ADISSP: variants seen among roughly 807,000 people sequenced by gnomAD.
ADISSP encodes adipose-secreted signaling protein.
the ADISSP span, among the ~76,000 whole-genome samples, chr20:3,766,742 T>A: frequency 6.6e-6 from 1 of 152,122 alleles, no homozygotes; most frequent in Non-Finnish European, 1.5e-5. Context: ...ATGGATAGAA[T>A]GTGGGGGGAT....
chr20:3,767,711 G>C, the ADISSP span: 1 of 154,334 alleles, frequency 6.5e-6, no homozygotes, highest in Admixed American at 6.5e-5. Flanking sequence ...GACCACTGCA[G>C]CGGCGGCGGC....
the ADISSP span, chr20:3,754,231 T>C: frequency 1.4e-6 from 2 of 1,477,904 alleles, no homozygotes; most frequent in South Asian, 1.1e-5. Flanking sequence ...AGGGGACCCC[T>C]CCCCTTCCCT....
chr20:3,755,361 C>A, the ADISSP span: 1 of 1,036,406 alleles, frequency 9.6e-7, no homozygotes, highest in South Asian at 1.4e-5. Flanking sequence ...AAAGAGGTGC[C>A]ACATCCCCGA....
the ADISSP span, chr20:3,758,666 C>T: frequency 4.3e-6 from 7 of 1,613,968 alleles, no homozygotes; most frequent in Non-Finnish European, 5.9e-6. This position sits in a 1 kb window ranked among gnomAD's most constrained non-coding sequence, Gnocchi z 5.5. Context: ...ACTCCGGACT[C>T]TGGGCTTGTT....
the ADISSP span, among the ~76,000 whole-genome samples, chr20:3,763,553 G>T: frequency 1.4e-4 from 13 of 91,822 alleles, no homozygotes; most frequent in Non-Finnish European, 2.4e-4. Context: ...GCAAAACTCC[G>T]TCTCAAAAAA....
At chr20:3,758,688 G>A in the ADISSP span, 36 of 1,609,212 alleles carry the variant, frequency 2.2e-5, no homozygotes, top group Non-Finnish European at 3.0e-5. This position sits in a 1 kb window ranked among gnomAD's most constrained non-coding sequence, Gnocchi z 5.5. Context: ...CCTAGGAAGA[G>A]TGGGAGAGGG....
At chr20:3,767,094 TC>T in the ADISSP span, 1 of 152,226 alleles carries the variant, frequency 6.6e-6, no homozygotes, top group African/African-American at 2.4e-5. Flanking sequence ...TCTTGTCATC[TC>T]AGGGGGAGGG....
the ADISSP span, among the ~76,000 whole-genome samples, chr20:3,760,545 G>A: frequency 6.6e-6 from 1 of 151,888 alleles, no homozygotes; most frequent in East Asian, 2.0e-4. Flanking sequence ...CCAGGGACCA[G>A]TTCTGGTGCT....
the ADISSP span, chr20:3,758,631 C>T: frequency 1.9e-6 from 3 of 1,614,082 alleles, no homozygotes; most frequent in Non-Finnish European, 2.5e-6. This position sits in a 1 kb window ranked among gnomAD's most constrained non-coding sequence, Gnocchi z 5.5. Context: ...GATCCTTCTG[C>T]ATCGTGGCCT....
At chr20:3,762,274 G>GAAA in the ADISSP span, among the ~76,000 whole-genome samples, 1 of 132,360 alleles carries the variant, frequency 7.6e-6, no homozygotes. Flanking sequence ...TCTGTCTCAA[G>GAAA]AAAAAAAAAA....
At chr20:3,755,357 G>A in the ADISSP span, 2 of 973,150 alleles carry the variant, frequency 2.1e-6, no homozygotes, top group African/African-American at 1.6e-5. Flanking sequence ...TCACAAAGAG[G>A]TGCCACATCC....
the ADISSP span, chr20:3,754,340 A>C: frequency 1.3e-6 from 2 of 1,591,468 alleles, no homozygotes; most frequent in Non-Finnish European, 1.7e-6. Flanking sequence ...GGAGGACAGA[A>C]ACCCTCGCAG....
the ADISSP span, among the ~76,000 whole-genome samples, chr20:3,756,443 G>GAGCC: frequency 4.2e-5 from 1 of 23,598 alleles, no homozygotes; most frequent in African/African-American, 1.3e-4. Flanking sequence ...TGGTGGGGGT[G>GAGCC]CCACGCCAGC....
At chr20:3,754,911 A>AT in the ADISSP span, among the ~76,000 whole-genome samples, 2 of 152,166 alleles carry the variant, frequency 1.3e-5, no homozygotes, top group Non-Finnish European at 2.9e-5. Context: ...GGCAAGAGGT[A>AT]AAGGCCTGAG....
the ADISSP span, among the ~76,000 whole-genome samples, chr20:3,762,688 A>G: frequency 6.6e-6 from 1 of 152,190 alleles, no homozygotes; most frequent in Non-Finnish European, 1.5e-5. Context: ...CTAATAGAAC[A>G]CTACACTTCA....
chr20:3,754,269 C>G, the ADISSP span: 1 of 1,476,578 alleles, frequency 6.8e-7, no homozygotes, highest in Non-Finnish European at 9.4e-7. Context: ...TAGGGACCTG[C>G]CAAGGAGGTT....
the ADISSP span, among the ~76,000 whole-genome samples, chr20:3,766,267 G>A: frequency 0.022 from 3,393 of 152,334 alleles, 139 homozygotes; most frequent in African/African-American, 0.076. Context: ...TCTCAGGACT[G>A]GACACAGCAG....
At chr20:3,757,416 C>T in the ADISSP span, among the ~76,000 whole-genome samples, 10 of 152,222 alleles carry the variant, frequency 6.6e-5, no homozygotes, top group East Asian at 1.9e-3. Context: ...GATAGTATGA[C>T]TGTGGGTACT....
chr20:3,754,713 T>C, the ADISSP span, among the ~76,000 whole-genome samples: 1 of 152,158 alleles, frequency 6.6e-6, no homozygotes, highest in Non-Finnish European at 1.5e-5. Context: ...CAAAAACCCA[T>C]TCTTCAGTGA....
Sources: allele counts gnomAD v4.1 joint callset (sites outside exome capture counted in the v4.1 genomes callset), GRCh38; gene constraint gnomAD v4.1.1; non-coding constraint Gnocchi (gnomAD v3.1); transcripts MANE v1.5; gene names NCBI Gene and HGNC (gene_info 2026-07-23, HGNC 2026-07-21).